The following CYP4A22 variants were observed in gnomAD, a reference collection of about 807,000 sequenced individuals.
CYP4A22 encodes cytochrome P450 4A22.
A neutral mutation model predicts 56.2 loss-of-function variants in CYP4A22; 46 were observed. The ratio of observed to expected loss-of-function variants is 0.82; its 90% CI spans 0.65 to 1.05. The LOEUF is 1.05. CYP4A22 is among the 50% of genes least tolerant of loss of function. The pLI, the probability that CYP4A22 is intolerant of heterozygous loss-of-function variation, is 0.00. For missense variants in CYP4A22, 541 were observed against 645.9 expected (o/e 0.84, Z 1.76); for synonymous variants, 193 against 251.1 (o/e 0.77, Z 2.19).
chr1:47,140,010 G>T (rs1189965779), intron 1 of CYP4A22, among the ~76,000 whole-genome samples: 1 of 152,164 alleles, frequency 6.6e-6, no homozygotes, highest in African/African-American at 2.4e-5. Context: ...GAAACAAACG[G>T]GTGATGGTGG....
intron 1 of CYP4A22, among the ~76,000 whole-genome samples, chr1:47,140,107 G>C (rs1644990845): frequency 6.6e-6 from 1 of 152,192 alleles, no homozygotes; most frequent in African/African-American, 2.4e-5. Flanking sequence ...AGTTTAGAAA[G>C]ATGACTGCAG....
chr1:47,143,051 G>A (rs1456312935), intron 4 of CYP4A22, among the ~76,000 whole-genome samples: 1 of 152,242 alleles, frequency 6.6e-6, no homozygotes, highest in Non-Finnish European at 1.5e-5. Context: ...GTTGAATGTT[G>A]TATTAAAAGT....
At position 47,140,935 on chromosome 1, in the gene CYP4A22, C is replaced by A. The variant is rs1272492191; in HGVS notation, c.337+14C>A. 2 of 1,613,008 alleles carry A rather than the reference C, an allele frequency of 1.2e-6. No homozygotes were observed. Among genetic ancestry groups the A allele is most frequent in the East Asian group, 4.5e-5 (2 of 44,856 alleles). ...TGGGGAGATCAGGTGAGATCGAACC[C>A]CCATCCCAACTGCAATTTCTCTTCC... is the stretch of plus-strand genomic sequence containing the variant. On this transcript the variant is annotated intron_variant, in intron 2 of 11. Coordinates refer to ENST00000371891, the MANE Select transcript of CYP4A22 (RefSeq NM_001010969.4).
intron 3 of CYP4A22, 117 bp from the exon 4 acceptor site, chr1:47,141,991 T>C: frequency 6.9e-7 from 1 of 1,455,282 alleles, no homozygotes; most frequent in Non-Finnish European, 9.2e-7. Flanking sequence ...ATGTGGCTTC[T>C]TCTGGATAGT....
At chr1:47,146,868 C>G in intron 11 of CYP4A22, 1 of 985,688 alleles carries the variant, frequency 1.0e-6, no homozygotes, top group Non-Finnish European at 1.2e-6. Context: ...ATCCACTTAG[C>G]ACAATATTGG....
chr1:47,142,351 C>T, intron 4 of CYP4A22, 116 bp downstream of exon 4: 3 of 1,435,896 alleles, frequency 2.1e-6, no homozygotes, highest in East Asian at 5.0e-5. Flanking sequence ...TGGAACAACA[C>T]TCTCAGGTCA....
chr1:47,146,783 T>C, intron 11 of CYP4A22: 2 of 987,146 alleles, frequency 2.0e-6, no homozygotes, highest in Non-Finnish European at 2.4e-6. Context: ...TTATATAGTG[T>C]TCACATATTT....
At chr1:47,139,711 G>A (rs1230807642) in intron 1 of CYP4A22, among the ~76,000 whole-genome samples, 2 of 152,202 alleles carry the variant, frequency 1.3e-5, no homozygotes, top group Admixed American at 6.5e-5. Flanking sequence ...TCAGAAGGAG[G>A]TGGGCAGACA....
At chr1:47,148,424 G>C (rs1645097807) in intron 11 of CYP4A22, among the ~76,000 whole-genome samples, 178 bp from the exon 12 acceptor site, 1 of 152,152 alleles carries the variant, frequency 6.6e-6, no homozygotes, top group Admixed American at 6.5e-5. Flanking sequence ...CCAAGGTTTG[G>C]GACAGTGTGA....
At chr1:47,147,863 G>A (rs1645092988) in intron 11 of CYP4A22, among the ~76,000 whole-genome samples, 1 of 152,294 alleles carries the variant, frequency 6.6e-6, no homozygotes, top group South Asian at 2.1e-4. Flanking sequence ...TGAAGAGCGT[G>A]GGAGGGTCTG....
intron 11 of CYP4A22, chr1:47,146,601 G>T: frequency 9.8e-7 from 1 of 1,021,122 alleles, no homozygotes; most frequent in Non-Finnish European, 1.2e-6. Context: ...CTAGTCTGTC[G>T]TAGAGATGAA....
intron 2 of CYP4A22, 107 bp from the exon 3 acceptor site, chr1:47,141,464 G>T (rs1041364361): frequency 3.4e-5 from 44 of 1,290,322 alleles, no homozygotes; most frequent in Middle Eastern, 1.9e-4. Flanking sequence ...AGTGGGAGGT[G>T]ACATGGGTCA....
Position 47,144,602 on chromosome 1 carries a change from C to T in CYP4A22, c.950C>T (p.Thr317Met), listed in dbSNP as rs768112609. 19 of 1,613,898 alleles carry T rather than the reference C, an allele frequency of 1.2e-5. No individual in the cohort carries two copies. The East Asian group carries it at 3.1e-4, about 27-fold the overall frequency. ...AAGGACCTCCGTGCTGAGGTGGACA[C>T]GTTCATGTTTGAGGGCCACGACACC... ...SDKDLRAEVDTFMFEGHDTTA... is the reference protein window; with the variant it reads ...SDKDLRAEVDMFMFEGHDTTA... The change falls in exon 8 of 12, where the codon ACG becomes ATG. Residue 317 changes from threonine to methionine, a missense_variant. Transcript: ENST00000371891.
intron 11 of CYP4A22, among the ~76,000 whole-genome samples, chr1:47,147,869 G>A (rs1645093107): frequency 6.6e-6 from 1 of 152,226 alleles, no homozygotes; most frequent in African/African-American, 2.4e-5. Flanking sequence ...GCGTGGGAGG[G>A]TCTGAGCTGG....
rs145063739 is a variant in CYP4A22 at position 47,148,645 on chromosome 1, G to A, written c.1408G>A (p.Ala470Thr). 5.6e-6 allele frequency: 9 copies of A among 1,613,396 alleles called. No homozygotes were observed. The African/African-American group carries it at 9.3e-5, about 17-fold the overall frequency. Residue 470 changes from alanine (A) to threonine (T), a missense_variant, in exon 12 of 12, where the codon GCC becomes ACC. Physicochemically the swap from Ala to Thr is moderately conservative, Grantham distance 58 (BLOSUM62 0). Coordinates refer to ENST00000371891, the MANE Select transcript of CYP4A22 (RefSeq NM_001010969.4). ...ATTTGCCATGAACCAGCTGAAGGTGGCCAGGGCCCTGACCCTGCTCCGCTT... is the reference window on the plus strand; with the variant it reads ...ATTTGCCATGAACCAGCTGAAGGTGACCAGGGCCCTGACCCTGCTCCGCTT... ...KQFAMNQLKV[A>T]RALTLLRFEL... is the part of the protein sequence containing the mutation.
At chr1:47,142,465 A>G (rs1645023158) in intron 4 of CYP4A22, among the ~76,000 whole-genome samples, 1 of 152,260 alleles carries the variant, frequency 6.6e-6, no homozygotes. Flanking sequence ...ATAGAGATTC[A>G]TGGTGAACAC....
At chr1:47,142,260 C>T (rs1312487374) in intron 4 of CYP4A22, 25 bp downstream of exon 4, 24 of 1,571,070 alleles carry the variant, frequency 1.5e-5, no homozygotes, top group African/African-American at 5.4e-5. Flanking sequence ...CTCTCCTCTC[C>T]CCACACCCAC....
Position 47,141,562 on chromosome 1 carries a change from A to T in CYP4A22, c.338-9A>T. The T allele has an allele frequency of 6.2e-7, 1 of 1,613,344 alleles. No homozygotes were observed. The highest frequency in any genetic ancestry group is 8.5e-7 in the Non-Finnish European group (1 of 1,179,512). ...CTAGTTTCCTATAAAGCCCTTTCTT[A>T]CTTTTCAGACCCGAAATCCCATGGA... On this transcript the variant is annotated splice_polypyrimidine_tract_variant and intron_variant, in intron 2 of 11. Transcript: ENST00000371891.
At chr1:47,142,059 C>T (rs767293202) in intron 3 of CYP4A22, 49 bp from the exon 4 acceptor site, 11 of 1,572,044 alleles carry the variant, frequency 7.0e-6, no homozygotes, top group Non-Finnish European at 9.5e-6. Flanking sequence ...ATCCCTAGGT[C>T]CGTGCAGCCT....
Sources: gnomAD v4.1 joint callset for allele counts (sites outside exome capture counted in the v4.1 genomes callset) on GRCh38, gnomAD v4.1.1 for gene constraint, MANE v1.5 for transcripts, NCBI Gene and HGNC (gene_info 2026-07-23, HGNC 2026-07-21) for gene names.